The following TNS1 variants were observed in gnomAD, a reference collection of about 807,000 sequenced individuals.
The protein encoded by TNS1 is tensin-1.
Under a neutral mutation model 168.6 loss-of-function variants are expected in TNS1, and 62 were observed. That is an observed-to-expected ratio of 0.37 (90% confidence interval 0.30 to 0.45). The LOEUF (loss-of-function observed/expected upper bound fraction) is 0.45, where lower values mean the gene tolerates loss of function less well. TNS1 is among the 20% of genes least tolerant of loss of function. TNS1 has a pLI of 1.00. For synonymous variants in TNS1, 934 were observed against 933.2 expected (o/e 1.00, Z -0.02); for missense variants, 2,240 against 2,339.4 (o/e 0.96, Z 0.88).
chr2:218,031,631 C>A (rs1161811810), intron 1 of TNS1, among the ~76,000 whole-genome samples: 1 of 152,164 alleles, frequency 6.6e-6, no homozygotes, highest in African/African-American at 2.4e-5. Flanking sequence ...TCAAAGGGAT[C>A]TGTGTCCTCA....
chr2:217,804,777 C>T (rs1462757397), intron 32 of TNS1, among the ~76,000 whole-genome samples, 174 bp from the exon 33 acceptor site: 1 of 152,142 alleles, frequency 6.6e-6, no homozygotes, highest in Non-Finnish European at 1.5e-5. Context: ...TGTGCACTCC[C>T]CTGACCACAA....
At chr2:217,818,881 C>G in intron 23 of TNS1, 122 bp from the exon 24 acceptor site, 1 of 755,280 alleles carries the variant, frequency 1.3e-6, no homozygotes, top group East Asian at 2.7e-5. Flanking sequence ...ACTGGCAGTG[C>G]GGAAGGACAT....
At chr2:217,856,098 G>A (rs753678274) in intron 18 of TNS1, among the ~76,000 whole-genome samples, 4 of 152,284 alleles carry the variant, frequency 2.6e-5, no homozygotes, top group African/African-American at 4.8e-5. Flanking sequence ...CATATGCATC[G>A]AAAAGTTAGG....
upstream of TNS1, among the ~76,000 whole-genome samples, chr2:218,005,813 A>C (rs1013232755): frequency 1.3e-5 from 2 of 152,240 alleles, no homozygotes; most frequent in African/African-American, 4.8e-5. Context: ...AAAGGGCCTC[A>C]GGCAGCCCTG....
rs137889095 is a variant in TNS1 at position 217,864,616 on chromosome 2, A to C, written c.1430-15529T>G. 2.0e-4 allele frequency among the ~76,000 whole-genome samples: 30 copies of C among 152,358 alleles called. No individual in the cohort carries two copies. The East Asian group carries it at 5.4e-3, about 27-fold the overall frequency. ...AATAAAGTCACAATGCTGGTTTATA[A>C]CAAACTCCAGCAGGCAAGTGAGCAC... On this transcript the variant is annotated intron_variant, in intron 18 of 32. Coordinates refer to ENST00000682258, the MANE Select transcript of TNS1 (RefSeq NM_001387777.1).
At chr2:218,022,281 G>A (rs1007403694) in intron 1 of TNS1, among the ~76,000 whole-genome samples, 2 of 152,082 alleles carry the variant, frequency 1.3e-5, no homozygotes, top group African/African-American at 2.4e-5. Context: ...CTGGGCAGGA[G>A]AGTCAATGTC....
chr2:217,917,318 C>T (rs933995869), intron 4 of TNS1, among the ~76,000 whole-genome samples: 1 of 152,212 alleles, frequency 6.6e-6, no homozygotes, highest in African/African-American at 2.4e-5. Flanking sequence ...ATATATAGAG[C>T]ACCTACCGTG....
chr2:217,830,119 C>A lies in TNS1; in HGVS notation c.3373+1336G>T, dbSNP rs4674219. 0.24 allele frequency: 128,257 copies of A among 526,248 alleles called. 16,094 individuals are homozygous for A. The highest frequency in any genetic ancestry group is 0.32 in the Middle Eastern group (352 of 1,088). The allele number at this position is 526,248 out of a possible 1,614,324, so 32.6% of individuals were successfully genotyped here. On this transcript the variant is annotated intron_variant, in intron 22 of 32. Transcript: ENST00000682258. ...AGGCCGAGGCCCACCCTGCAAAGGACCCCAAGGCTCCGAGGCATAGTTGAG... is the reference window on the plus strand; with the variant it reads ...AGGCCGAGGCCCACCCTGCAAAGGAACCCAAGGCTCCGAGGCATAGTTGAG...
In TNS1 at chr2:217,848,604, G is replaced by C; in HGVS notation, c.1913C>G (p.Ala638Gly). 3.7e-6 allele frequency: 6 copies of C among 1,614,176 alleles called. No individual in the cohort carries two copies. The highest frequency in any genetic ancestry group is 5.1e-6 in the Non-Finnish European group (6 of 1,180,024). Residue 638 changes from alanine (A) to glycine (G), a missense_variant, in exon 19 of 33, where the codon GCG becomes GGG. Physicochemically the swap from Ala to Gly is moderately conservative, Grantham distance 60. Around this residue, in one of 2 missense-constraint regions of TNS1, gnomAD observed 2,131 missense variants for 2,171.2 expected, o/e 0.98. Coordinates refer to ENST00000682258, the MANE Select transcript of TNS1 (RefSeq NM_001387777.1). ...AGAAGAGAGTGTGCCCATGCTGCCC[G>C]CACTGTGACCATCCTGGTTTGGCAA... ...DELPNQDGHS[A>G]GSMGTLSSLD...
chr2:217,878,957 G>C (rs1026847558), intron 18 of TNS1, among the ~76,000 whole-genome samples: 1 of 152,152 alleles, frequency 6.6e-6, no homozygotes, highest in East Asian at 1.9e-4. Flanking sequence ...CCCTCAGACA[G>C]AGGGATGGAA....
At position 217,814,992 on chromosome 2, in the gene TNS1, C is replaced by G; in HGVS notation, c.4649G>C (p.Ser1550Thr). 6.2e-7 allele frequency: 1 copy of G among 1,611,976 alleles called. No individual in the cohort carries two copies. The change falls in exon 25 of 33, where the codon AGC (serine) becomes ACC (threonine). Residue 1550 changes from serine (S) to threonine (T), a missense_variant. By Grantham distance (58) the Ser-to-Thr change is moderately conservative. This residue lies in a region of TNS1 where 2,131 missense variants were observed against 2,171.2 expected (regional missense o/e 0.98). Coordinates refer to ENST00000682258, the MANE Select transcript of TNS1 (RefSeq NM_001387777.1). ...CTTCACTTTAGCCCGCGTCTCCGGG[C>G]TGTTGTCTAAAGCAGGAGAAGGGAA... The part of the protein sequence containing the change: ...DFSKYSMPDN[S>T]PETRAKVKFV...
chr2:217,835,096 C>T lies in TNS1; in HGVS notation c.3275G>A (p.Ser1092Asn), dbSNP rs145825540. The change falls in exon 21 of 33, where the codon AGT (serine) becomes AAT (asparagine). Residue 1092 changes from serine (S) to asparagine (N), a missense_variant. Physicochemically the swap from Ser to Asn is conservative, Grantham distance 46 (BLOSUM62 1). Around this residue, in one of 2 missense-constraint regions of TNS1, gnomAD observed 2,131 missense variants for 2,171.2 expected, o/e 0.98. Coordinates refer to ENST00000682258, the MANE Select transcript of TNS1 (RefSeq NM_001387777.1). ...EGTSPSSPPP[S>N]GVRSPPGLAK... is the part of the protein sequence containing the mutation. ...GCTTCACAGGGAATTCTTACCCCCA[C>T]TGGGTGGTGGGCTGCTCGGGGAGGT... 1.7e-5 allele frequency: 27 copies of T among 1,573,066 alleles called. No individual in the cohort carries two copies. The African/African-American group carries it at 3.3e-4, about 19-fold the overall frequency.
In TNS1 at chr2:217,850,490, G is replaced by A. The variant is rs1371464994; in HGVS notation, c.1430-1403C>T. On this transcript the variant is annotated intron_variant, in intron 18 of 32. Transcript: ENST00000682258. ...GAGCGCTGGGTGGCTCGGGGCCAAA[G>A]GGCTGACTCAGGAATGAAGAACTTC... The A allele has an allele frequency of 1.2e-5, 12 of 984,802 alleles. No individual in the cohort carries two copies. In the African/African-American group the frequency reaches 1.9e-4, roughly 16 times the overall value. The allele number at this position is 984,802 out of a possible 1,614,324, so 61.0% of individuals were successfully genotyped here.
chr2:217,935,717 C>T lies in TNS1; in HGVS notation c.187-15481G>A, dbSNP rs539318593. The stretch of plus-strand genomic sequence containing the variant: ...CCAGCCCCACTCTCTCCCACTGTAT[C>T]AATAATAGTAATAACCATAACAAAA... On this transcript the variant is annotated intron_variant, in intron 3 of 32. Coordinates refer to ENST00000682258, the MANE Select transcript of TNS1 (RefSeq NM_001387777.1). Among the ~76,000 whole-genome samples, 4 of 152,322 alleles carry T rather than the reference C, an allele frequency of 2.6e-5. No individual in the cohort carries two copies. In the South Asian group the frequency reaches 8.3e-4, roughly 32 times the overall value.
At chr2:217,872,956 C>T (rs1182039924) in intron 18 of TNS1, among the ~76,000 whole-genome samples, 1 of 152,204 alleles carries the variant, frequency 6.6e-6, no homozygotes, top group African/African-American at 2.4e-5. Context: ...TATTGTATCA[C>T]TCCATTTACG....
At chr2:218,010,103 G>A (rs1015481219) in exon 1 of TNS1, 13 of 399,144 alleles carry the variant, frequency 3.3e-5, no homozygotes, top group Non-Finnish European at 4.9e-5. Flanking sequence ...CATTTACCTG[G>A]CTGCGGAGGC....
chr2:217,910,132 G>A (rs1199160034), intron 4 of TNS1, among the ~76,000 whole-genome samples: 2 of 152,110 alleles, frequency 1.3e-5, no homozygotes, highest in Non-Finnish European at 2.9e-5. Context: ...GGGAGCTGAA[G>A]TCAATATTAG....
At chr2:217,895,227 G>T (rs1419886783) in intron 8 of TNS1, among the ~76,000 whole-genome samples, 171 bp from the exon 9 acceptor site, 1 of 152,202 alleles carries the variant, frequency 6.6e-6, no homozygotes, top group Non-Finnish European at 1.5e-5. Context: ...TCACGGCCAG[G>T]GGCCTGGCCA....
rs927591521 is a variant in TNS1, at chr2:217,811,350, A to G, written c.5032+1018T>C. Among the ~76,000 whole-genome samples the G allele has an allele frequency of 6.6e-5, 10 of 152,298 alleles. No individual in the cohort carries two copies. In the East Asian group the frequency reaches 1.9e-3, roughly 29 times the overall value. ...ATTCAATTCATGTCTGAATTGTGTC[A>G]TTGGTTAATAGTGCTATTTAAGTTG... On this transcript the variant is annotated intron_variant, in intron 28 of 32. Transcript: ENST00000682258.
Sources: allele counts gnomAD v4.1 joint callset (sites outside exome capture counted in the v4.1 genomes callset), GRCh38; gene constraint gnomAD v4.1.1; regional missense constraint gnomAD v4.1.1; transcripts MANE v1.5; gene names NCBI Gene and HGNC (gene_info 2026-07-23, HGNC 2026-07-21).